The following SETBP1 variants were observed in gnomAD, a reference collection of about 807,000 sequenced individuals.
The protein encoded by SETBP1 is SET-binding protein.
A neutral mutation model predicts 101.0 loss-of-function variants in SETBP1; 9 were observed. The observed-to-expected ratio is 0.09, with a 90% CI of 0.05 to 0.16. SETBP1 has a LOEUF of 0.16. SETBP1 is among the 10% of genes least tolerant of loss of function. SETBP1 has a pLI of 1.00. For missense variants in SETBP1, 1,858 were observed against 2,033.8 expected (o/e 0.91, Z 1.66); for synonymous variants, 818 against 788.5 (o/e 1.04, Z -0.63).
intron 3 of SETBP1, among the ~76,000 whole-genome samples, chr18:44,873,901 T>C (rs2069337134): frequency 6.6e-6 from 1 of 152,162 alleles, no homozygotes; most frequent in Admixed American, 6.5e-5. Flanking sequence ...AAAGCCCACA[T>C]TTGTAGCATC....
intron 1 of SETBP1, among the ~76,000 whole-genome samples, chr18:44,696,275 A>T (rs1359555678): frequency 1.3e-5 from 2 of 152,206 alleles, no homozygotes; most frequent in African/African-American, 4.8e-5. Flanking sequence ...TCATGTACTC[A>T]ATAATAATAC....
intron 2 of SETBP1, among the ~76,000 whole-genome samples, chr18:44,758,191 C>A (rs1187258974): frequency 6.6e-6 from 1 of 152,152 alleles, no homozygotes; most frequent in Admixed American, 6.5e-5. Context: ...GATGTCAGGA[C>A]ACCCCAGAGC....
intron 4 of SETBP1, among the ~76,000 whole-genome samples, chr18:45,012,026 A>G (rs959599742): frequency 2.0e-5 from 3 of 152,212 alleles, no homozygotes; most frequent in African/African-American, 7.2e-5. Flanking sequence ...ATGTTAGAAG[A>G]GGGACTTCTT....
rs139978893 is a variant in SETBP1 at position 44,830,677 on chromosome 18, G to A, written c.487-38553G>A. On this transcript the variant is annotated intron_variant, in intron 2 of 5. Transcript: ENST00000649279. ...AGAGAGCAGAGTTACTAGGGATACT[G>A]TTCTGCTTCCTTGGCCAGAATACAA... Among the ~76,000 whole-genome samples the A allele has an allele frequency of 5.5e-3, 833 of 152,310 alleles. 11 individuals carry two copies. The highest frequency in any genetic ancestry group is 0.019 in the African/African-American group (787 of 41,576).
chr18:44,990,087 C>A (rs1313671657), intron 4 of SETBP1, among the ~76,000 whole-genome samples: 2 of 151,758 alleles, frequency 1.3e-5, no homozygotes, highest in African/African-American at 4.8e-5. Context: ...GCCAGAGAAA[C>A]ATCCAGAGCA....
At chr18:44,920,404 G>C (rs1599322796) in intron 3 of SETBP1, among the ~76,000 whole-genome samples, 1 of 152,268 alleles carries the variant, frequency 6.6e-6, no homozygotes. Flanking sequence ...CTGGCATCTA[G>C]TTTTTGCTCA....
chr18:44,928,922 C>T (rs1023689438), intron 3 of SETBP1, among the ~76,000 whole-genome samples: 15 of 152,118 alleles, frequency 9.9e-5, no homozygotes, highest in Non-Finnish European at 1.5e-5. Context: ...TGTGCAGAAG[C>T]TCTTTAGTTT....
At chr18:44,813,156 G>A (rs1047689505) in intron 2 of SETBP1, among the ~76,000 whole-genome samples, 7 of 152,076 alleles carry the variant, frequency 4.6e-5, no homozygotes, top group Non-Finnish European at 7.3e-5. Flanking sequence ...CTTTCCCACT[G>A]ATGTCCTACA....
chr18:44,859,475 C>T (rs1318993112), intron 2 of SETBP1, among the ~76,000 whole-genome samples: 2 of 152,292 alleles, frequency 1.3e-5, no homozygotes, highest in East Asian at 3.9e-4. Context: ...GAGAACTGGA[C>T]TTTCCATGAT....
At chr18:44,728,394 G>A (rs1276212681) in intron 2 of SETBP1, among the ~76,000 whole-genome samples, 1 of 152,150 alleles carries the variant, frequency 6.6e-6, no homozygotes, top group Non-Finnish European at 1.5e-5. Context: ...CGGGTCTCGG[G>A]AAAAAGTCAC....
chr18:44,950,179 A>G lies in SETBP1; in HGVS notation c.839A>G (p.Asn280Ser), dbSNP rs760239764. The G allele has an allele frequency of 2.7e-5, 43 of 1,613,960 alleles. No individual in the cohort carries two copies. In the East Asian group the frequency reaches 6.9e-4, roughly 26 times the overall value. ...AACACGTGGAGTCAGTTGTCTAACA[A>G]TAACAAAGATCTGCTCTTGGGAGGT... The part of the protein sequence containing the change: ...AGNTWSQLSN[N>S]NKDLLLGGVA... The change falls in exon 4 of 6, where the codon AAT becomes AGT. Residue 280 changes from asparagine (N) to serine (S), a missense_variant. This residue lies in a region of SETBP1 where 581 missense variants were observed against 535.1 expected (regional missense o/e 1.09). Transcript: ENST00000649279.
At chr18:45,018,950 A>G (rs1017566570) in intron 4 of SETBP1, among the ~76,000 whole-genome samples, 1 of 152,190 alleles carries the variant, frequency 6.6e-6, no homozygotes, top group African/African-American at 2.4e-5. Context: ...GAGAGGAGGC[A>G]CTGATCCAGA....
At chr18:44,710,078 C>T (rs1228880515) in intron 2 of SETBP1, among the ~76,000 whole-genome samples, 1 of 151,958 alleles carries the variant, frequency 6.6e-6, no homozygotes, top group Non-Finnish European at 1.5e-5. Flanking sequence ...TCAAAAAGTC[C>T]TCTCATTGCT....
At chr18:44,750,018 G>T (rs1336581087) in intron 2 of SETBP1, among the ~76,000 whole-genome samples, 3 of 152,196 alleles carry the variant, frequency 2.0e-5, no homozygotes, top group African/African-American at 7.2e-5. Flanking sequence ...AAGGCTTGAA[G>T]AACAGGAAAG....
intron 3 of SETBP1, among the ~76,000 whole-genome samples, chr18:44,878,754 C>T (rs1300804405): frequency 6.6e-6 from 1 of 152,108 alleles, no homozygotes; most frequent in Admixed American, 6.6e-5. Context: ...ACCTTTTTGT[C>T]CTTCCACCTA....
chr18:44,919,746 G>T (rs1316837991), intron 3 of SETBP1, among the ~76,000 whole-genome samples: 2 of 150,846 alleles, frequency 1.3e-5, no homozygotes, highest in Admixed American at 6.6e-5. Flanking sequence ...TTATATATAT[G>T]TATACATATG....
At position 44,682,015 on chromosome 18, in the gene SETBP1, C is replaced by T. The variant is rs1159285245; in HGVS notation, c.-173+994C>T. ...TTAAAGTTTAGTTGGAGTCCACTGGCGTTGATTGTTTTTCTCTTACATCTT... is the reference window on the plus strand; with the variant it reads ...TTAAAGTTTAGTTGGAGTCCACTGGTGTTGATTGTTTTTCTCTTACATCTT... On this transcript the variant is annotated intron_variant, in intron 1 of 5. Coordinates refer to ENST00000649279, the MANE Select transcript of SETBP1 (RefSeq NM_015559.3). 2.6e-5 allele frequency among the ~76,000 whole-genome samples: 4 copies of T among 152,090 alleles called. No individual in the cohort carries two copies. In the East Asian group the frequency reaches 5.8e-4, roughly 22 times the overall value.
At chr18:44,765,299 C>A (rs1599095153) in intron 2 of SETBP1, among the ~76,000 whole-genome samples, 1 of 151,530 alleles carries the variant, frequency 6.6e-6, no homozygotes, top group Non-Finnish European at 1.5e-5. Context: ...TCTTTCCTTG[C>A]AGAAGGAAAG....
At chr18:44,833,871 T>C (rs1353008562) in intron 2 of SETBP1, among the ~76,000 whole-genome samples, 1 of 152,258 alleles carries the variant, frequency 6.6e-6, no homozygotes, top group Non-Finnish European at 1.5e-5. Context: ...ACAATGTATG[T>C]TCTTTTGTTA....
Sources: allele counts gnomAD v4.1 joint callset (sites outside exome capture counted in the v4.1 genomes callset), GRCh38; gene constraint gnomAD v4.1.1; regional missense constraint gnomAD v4.1.1; transcripts MANE v1.5; gene names NCBI Gene and HGNC (gene_info 2026-07-23, HGNC 2026-07-21).